PDE12: variants seen among roughly 807,000 people sequenced by gnomAD.
PDE12 encodes the protein 2',5'-phosphodiesterase 12.
Under a neutral mutation model 45.4 loss-of-function variants are expected in PDE12, and 26 were observed. That is an observed-to-expected ratio of 0.57 (90% CI 0.42 to 0.79). The LOEUF (loss-of-function observed/expected upper bound fraction) is 0.79. PDE12 is among the 30% of genes least tolerant of loss of function. The pLI, the probability that PDE12 is intolerant of heterozygous loss-of-function variation, is 0.00. For synonymous variants in PDE12, 283 were observed against 323.9 expected, an observed-to-expected ratio of 0.87 and a Z score of 1.36; for missense variants, 668 against 790.0, an observed-to-expected ratio of 0.85 and a Z score of 1.85.
At chr3:57,588,003 T>C in the PDE12 span, among the ~76,000 whole-genome samples, 1 of 152,222 alleles carries the variant, frequency 6.6e-6, no homozygotes, top group African/African-American at 2.4e-5. Flanking sequence ...CAAAAACATA[T>C]TGGTCCAACA....
the PDE12 span, among the ~76,000 whole-genome samples, chr3:57,584,691 G>T: frequency 6.6e-6 from 1 of 152,106 alleles, no homozygotes; most frequent in Non-Finnish European, 1.5e-5. Context: ...CTAGTAAAAG[G>T]TAACAAGTAT....
the PDE12 span, chr3:57,572,145 T>G: frequency 1.6e-5 from 20 of 1,261,814 alleles, no homozygotes; most frequent in Non-Finnish European, 2.3e-5. Flanking sequence ...AGATACAAAC[T>G]AATTTTGTTG....
Position 57,557,157 on chromosome 3 carries a change from C to A in PDE12, c.778C>A (p.His260Asn), listed in dbSNP as rs759669193. 29 of 1,613,990 alleles carry A rather than the reference C, an allele frequency of 1.8e-5. No homozygotes were observed. Among genetic ancestry groups the A allele is most frequent in the Non-Finnish European group, 2.4e-5 (28 of 1,180,026 alleles). ...CCCAGGCGATGGGCAGCGCTTTGGGCACAGCCGGGAGTTGGAAAGTGTGTG... is the reference window on the plus strand; with the variant it reads ...CCCAGGCGATGGGCAGCGCTTTGGGAACAGCCGGGAGTTGGAAAGTGTGTG... The part of the protein sequence containing the change: ...CTPGDGQRFG[H>N]SRELESVCVV... Residue 260 changes from histidine to asparagine, a missense_variant, in exon 1 of 3, where the codon CAC (histidine) becomes AAC (asparagine). Around this residue, in one of 3 missense-constraint regions of PDE12, gnomAD observed 580 missense variants for 662.9 expected, o/e 0.87. Transcript: ENST00000311180.
At chr3:57,557,710 T>G in intron 1 of PDE12, 23 bp downstream of exon 1, 1 of 1,595,630 alleles carries the variant, frequency 6.3e-7, no homozygotes, top group South Asian at 1.1e-5. Flanking sequence ...CGCCCGTCTC[T>G]TCACATACTG....
chr3:57,618,607 GTTTT>G, the PDE12 span, among the ~76,000 whole-genome samples: 3 of 79,406 alleles, frequency 3.8e-5, no homozygotes, highest in Non-Finnish European at 7.0e-5. Context: ...TTGCTTTTGT[GTTTT>G]TTTTTTTTTT....
chr3:57,596,268 T>C, the PDE12 span, among the ~76,000 whole-genome samples: 2 of 152,354 alleles, frequency 1.3e-5, no homozygotes, highest in Non-Finnish European at 2.9e-5. Flanking sequence ...AGCGTCATGA[T>C]GTTCAGTTAC....
At chr3:57,599,268 GCAGT>G in the PDE12 span, among the ~76,000 whole-genome samples, 3 of 152,326 alleles carry the variant, frequency 2.0e-5, no homozygotes, top group Middle Eastern at 6.8e-3. Flanking sequence ...TCCAAAGGAG[GCAGT>G]CAGATATGCG....
chr3:57,644,873 A>G, the PDE12 span, among the ~76,000 whole-genome samples: 1 of 149,616 alleles, frequency 6.7e-6, no homozygotes, highest in Non-Finnish European at 1.5e-5. Flanking sequence ...CACTGGGTGA[A>G]ACAGTGAGAA....
chr3:57,630,009 T>C, the PDE12 span, among the ~76,000 whole-genome samples: 1 of 152,144 alleles, frequency 6.6e-6, no homozygotes, highest in Non-Finnish European at 1.5e-5. Context: ...TGTGGTGTAG[T>C]ACTCCCACTG....
intron 2 of PDE12, 32 bp from the exon 3 acceptor site, chr3:57,559,530 A>C (rs1241669881): frequency 1.9e-6 from 3 of 1,572,054 alleles, no homozygotes; most frequent in South Asian, 2.4e-5. Context: ...AACTTTAAAA[A>C]ATACTTACAT....
the PDE12 span, among the ~76,000 whole-genome samples, chr3:57,572,523 C>T: frequency 2.0e-5 from 3 of 151,694 alleles, no homozygotes; most frequent in African/African-American, 7.3e-5. Context: ...TAGTTCGAGA[C>T]CAGCCTGGGT....
chr3:57,646,821 C>T, the PDE12 span, among the ~76,000 whole-genome samples: 1 of 152,070 alleles, frequency 6.6e-6, no homozygotes, highest in African/African-American at 2.4e-5. Context: ...ATTAATTTTC[C>T]AAGGGCACTT....
chr3:57,579,253 C>CAAAAAAAAAAAAAAAAAA, the PDE12 span, among the ~76,000 whole-genome samples: 1 of 47,612 alleles, frequency 2.1e-5, no homozygotes, highest in Non-Finnish European at 3.5e-5. Flanking sequence ...AACTACATCT[C>CAAAAAAAAAAAAAAAAAA]AAAAAAAAAA....
chr3:57,631,368 G>T, the PDE12 span, among the ~76,000 whole-genome samples: 1 of 151,716 alleles, frequency 6.6e-6, no homozygotes, highest in Non-Finnish European at 1.5e-5. Flanking sequence ...GGCTAATTTT[G>T]TATTTTTAGT....
chr3:57,654,409 A>G, the PDE12 span, among the ~76,000 whole-genome samples: 4 of 152,226 alleles, frequency 2.6e-5, no homozygotes, highest in Non-Finnish European at 4.4e-5. Context: ...CAATCTCTGA[A>G]ACATAGAAAC....
At chr3:57,630,797 G>A in the PDE12 span, 1 of 1,613,948 alleles carries the variant, frequency 6.2e-7, no homozygotes, top group Non-Finnish European at 8.5e-7. Context: ...AATTCTTCTG[G>A]AAGAAACTGT....
the PDE12 span, among the ~76,000 whole-genome samples, chr3:57,604,434 A>C: frequency 6.6e-6 from 1 of 152,092 alleles, no homozygotes; most frequent in South Asian, 2.1e-4. Context: ...ATTTTAACAG[A>C]ATTCTCAAAC....
At chr3:57,593,936 C>A in the PDE12 span, among the ~76,000 whole-genome samples, 1 of 151,724 alleles carries the variant, frequency 6.6e-6, no homozygotes, top group Non-Finnish European at 1.5e-5. Context: ...GGAAAAAAAA[C>A]ATAATTATTT....
the PDE12 span, among the ~76,000 whole-genome samples, chr3:57,572,832 ACTACCCAT>A: frequency 6.6e-6 from 1 of 152,200 alleles, no homozygotes; most frequent in Non-Finnish European, 1.5e-5. Flanking sequence ...TAACTAATAA[ACTACCCAT>A]CTGGTTTTTA....
Sources: gnomAD v4.1 joint callset for allele counts (sites outside exome capture counted in the v4.1 genomes callset) on GRCh38, gnomAD v4.1.1 for gene constraint, gnomAD v4.1.1 regional missense constraint, MANE v1.5 for transcripts, NCBI Gene and HGNC (gene_info 2026-07-23, HGNC 2026-07-21) for gene names.